FRMD4A: variants seen among roughly 807,000 people sequenced by gnomAD.
FRMD4A encodes the protein FERM domain containing 4A.
FRMD4A carries 29 observed loss-of-function variants against 129.1 expected under a neutral mutation model. That is an observed-to-expected ratio of 0.22 (90% CI 0.17 to 0.31). The LOEUF (loss-of-function observed/expected upper bound fraction) is 0.31, where lower values mean the gene tolerates loss of function less well. FRMD4A is among the 10% of genes least tolerant of loss of function. The probability of loss-of-function intolerance (pLI) is 1.00; values close to 1 mark genes in which losing one functional copy is unlikely to be tolerated. For synonymous variants in FRMD4A, 634 were observed against 571.6 expected, an observed-to-expected ratio of 1.11 and a Z score of -1.56; for missense variants, 1,272 against 1,375.8, an observed-to-expected ratio of 0.92 and a Z score of 1.19.
chr10:14,133,210 A>G (rs1472491760), intron 2 of FRMD4A, among the ~76,000 whole-genome samples: 1 of 152,198 alleles, frequency 6.6e-6, no homozygotes, highest in Admixed American at 6.5e-5. Flanking sequence ...CACTTGAGAC[A>G]CTGCTATTTG....
At chr10:13,887,621 A>G (rs1214333235) in intron 2 of FRMD4A, among the ~76,000 whole-genome samples, 1 of 152,184 alleles carries the variant, frequency 6.6e-6, no homozygotes, top group Non-Finnish European at 1.5e-5. Flanking sequence ...AGATTGCACC[A>G]CTGCACTCCA....
intron 2 of FRMD4A, among the ~76,000 whole-genome samples, chr10:14,129,968 G>A (rs1347633358): frequency 6.6e-6 from 1 of 152,122 alleles, no homozygotes; most frequent in Non-Finnish European, 1.5e-5. Context: ...GGCCCTCTTG[G>A]TTGTCTTGCT....
At chr10:14,001,811 G>A (rs149124423) in intron 2 of FRMD4A, among the ~76,000 whole-genome samples, 1 of 152,308 alleles carries the variant, frequency 6.6e-6, no homozygotes, top group East Asian at 1.9e-4. Context: ...CTAATAATAT[G>A]TGTGAATACA....
chr10:13,972,440 T>A (rs2095523951), intron 2 of FRMD4A: 3 of 326,556 alleles, frequency 9.2e-6, no homozygotes, highest in Admixed American at 6.4e-5. Context: ...TAGGTTGGGA[T>A]TGAAATGGCT....
At chr10:13,699,047 C>A (rs1394441860) in intron 14 of FRMD4A, among the ~76,000 whole-genome samples, 1 of 135,672 alleles carries the variant, frequency 7.4e-6, no homozygotes, top group African/African-American at 2.7e-5. Context: ...AATTTATCTA[C>A]AATAATCTTT....
Position 13,737,877 on chromosome 10 carries a change from C to T in FRMD4A, c.726G>A (p.Gln242=), listed in dbSNP as rs11258565. ...WLGLSYKGIF[Q]YDYHDKVKPR... ...GCTTCACTTTATCATGGTAGTCATA[C>T]TGGAAGATCCCTTTGTAGCTCAGGC... The change falls in exon 12 of 25, where the codon CAG becomes CAA. Residue 242 remains glutamine, a synonymous_variant. Coordinates refer to ENST00000357447, the MANE Select transcript of FRMD4A (RefSeq NM_018027.5). The T allele has an allele frequency of 5.0e-6, 8 of 1,607,446 alleles. No homozygotes were observed. The highest frequency in any genetic ancestry group is 2.2e-5 in the South Asian group (2 of 90,972).
intron 3 of FRMD4A, among the ~76,000 whole-genome samples, chr10:13,852,389 G>A (rs527798566): frequency 5.6e-4 from 85 of 151,772 alleles, no homozygotes; most frequent in Middle Eastern, 3.4e-3. Flanking sequence ...GACTACAGGC[G>A]CACGCCACCA....
chr10:13,680,726 AAAAAAAAAATTT>A, intron 15 of FRMD4A, among the ~76,000 whole-genome samples: 1 of 150,602 alleles, frequency 6.6e-6, no homozygotes, highest in African/African-American at 2.4e-5. Context: ...ACTCCATTTA[AAAAAAAAAATTT>A]AAAAAAAAGT....
intron 2 of FRMD4A, among the ~76,000 whole-genome samples, chr10:14,109,091 G>T (rs896482294): frequency 2.1e-4 from 32 of 152,006 alleles, no homozygotes; most frequent in African/African-American, 7.5e-4. Context: ...GCTCTCCAAG[G>T]GTTGAAGAGC....
intron 12 of FRMD4A, among the ~76,000 whole-genome samples, chr10:13,730,897 A>G (rs1042480893): frequency 6.7e-6 from 1 of 148,576 alleles, no homozygotes; most frequent in Non-Finnish European, 1.5e-5. Flanking sequence ...GCATGGTGAC[A>G]CACGCCTATA....
chr10:13,661,656 A>G (rs1301413848), intron 19 of FRMD4A, among the ~76,000 whole-genome samples: 1 of 152,152 alleles, frequency 6.6e-6, no homozygotes, highest in Non-Finnish European at 1.5e-5. Flanking sequence ...GTGTTCTAAA[A>G]CTAGAAAGGA....
chr10:13,803,111 T>G (rs1393286506), intron 4 of FRMD4A, among the ~76,000 whole-genome samples: 1 of 140,104 alleles, frequency 7.1e-6, no homozygotes, highest in Non-Finnish European at 1.5e-5. Context: ...ATGGCACCAC[T>G]GCACCCCAGC....
chr10:13,788,858 G>C (rs937442429), intron 5 of FRMD4A, among the ~76,000 whole-genome samples: 1 of 152,196 alleles, frequency 6.6e-6, no homozygotes, highest in African/African-American at 2.4e-5. Flanking sequence ...AAAGCCTCTG[G>C]TTGCAATAGA....
chr10:14,116,460 G>C (rs1168623369), intron 2 of FRMD4A, among the ~76,000 whole-genome samples: 1 of 152,192 alleles, frequency 6.6e-6, no homozygotes, highest in African/African-American at 2.4e-5. Flanking sequence ...TTGGCTGAAA[G>C]CAGATACGGA....
At chr10:14,167,587 G>A (rs909618438) in intron 2 of FRMD4A, among the ~76,000 whole-genome samples, 28 of 144,858 alleles carry the variant, frequency 1.9e-4, no homozygotes, top group African/African-American at 6.1e-4. Flanking sequence ...ATAAGAACAC[G>A]ATATAGTGGA....
chr10:14,003,825 T>C (rs2095651701), intron 2 of FRMD4A, among the ~76,000 whole-genome samples: 1 of 152,216 alleles, frequency 6.6e-6, no homozygotes, highest in Non-Finnish European at 1.5e-5. Context: ...AACCATTTCC[T>C]CGTATTGCAA....
chr10:14,227,983 C>T (rs1843504356), intron 2 of FRMD4A, among the ~76,000 whole-genome samples: 1 of 152,102 alleles, frequency 6.6e-6, no homozygotes, highest in Non-Finnish European at 1.5e-5. Context: ...AAGCAATTCT[C>T]CTGCCCCAGC....
intron 2 of FRMD4A, among the ~76,000 whole-genome samples, chr10:14,147,059 C>T (rs1287601378): frequency 1.3e-5 from 2 of 152,166 alleles, no homozygotes; most frequent in Non-Finnish European, 2.9e-5. Context: ...AATAAACAAA[C>T]AAATGCCAGA....
At chr10:14,318,023 C>T (rs377649903) in intron 2 of FRMD4A, among the ~76,000 whole-genome samples, 1 of 152,148 alleles carries the variant, frequency 6.6e-6, no homozygotes, top group Admixed American at 6.5e-5. Flanking sequence ...GAGGCTACCT[C>T]ACTCAGTAAT....
Sources: allele counts gnomAD v4.1 joint callset (sites outside exome capture counted in the v4.1 genomes callset), GRCh38; gene constraint gnomAD v4.1.1; transcripts MANE v1.5; gene names NCBI Gene and HGNC (gene_info 2026-07-23, HGNC 2026-07-21).